Variants in SNX4 observed in about 807,000 individuals in gnomAD.
The protein encoded by SNX4 is sorting nexin 4.
A neutral mutation model predicts 70.8 loss-of-function variants in SNX4; 49 were observed. The observed-to-expected ratio is 0.69, with a 90% confidence interval of 0.55 to 0.88. SNX4 has a LOEUF of 0.88. SNX4 is among the 40% of genes least tolerant of loss of function. SNX4 has a pLI of 0.00. For missense variants in SNX4, 528 were observed against 544.8 expected (o/e 0.97, Z 0.31); for synonymous variants, 206 against 183.8 (o/e 1.12, Z -0.98).
At chr3:125,455,524 A>G (rs952685538) in intron 11 of SNX4, among the ~76,000 whole-genome samples, 4 of 152,178 alleles carry the variant, frequency 2.6e-5, no homozygotes, top group African/African-American at 9.7e-5. Flanking sequence ...TACTGAAGAA[A>G]ACACTTTTCC....
chr3:125,506,819 A>G (rs1355875050), intron 1 of SNX4, among the ~76,000 whole-genome samples: 1 of 35,026 alleles, frequency 2.9e-5, no homozygotes, highest in African/African-American at 2.1e-4. Context: ...GGAGAAAGTA[A>G]AAAAAAAAAA....
intron 1 of SNX4, 54 bp downstream of exon 1, chr3:125,519,978 G>T: frequency 6.0e-6 from 3 of 502,906 alleles, no homozygotes; most frequent in Non-Finnish European, 9.8e-6. Flanking sequence ...AGCCCAGCCC[G>T]GCCCGCTAGG....
chr3:125,469,740 A>C (rs1934120032), intron 8 of SNX4, among the ~76,000 whole-genome samples: 1 of 150,962 alleles, frequency 6.6e-6, no homozygotes, highest in Non-Finnish European at 1.5e-5. Context: ...GCTAAGCGGA[A>C]GGTAAGTATC....
In SNX4 at chr3:125,497,329, A is replaced by G. The variant is rs1934818000; in HGVS notation, c.597+12T>C. 2 of 1,588,624 alleles carry G rather than the reference A, an allele frequency of 1.3e-6. No individual in the cohort carries two copies. Among genetic ancestry groups the G allele is most frequent in the Non-Finnish European group, 1.7e-6 (2 of 1,158,828 alleles). ...TAAAGGAACATGGCAAATTTCATAT[A>G]AATATTCTTACCTTCAGCTGAAACC... On this transcript the variant is annotated intron_variant, in intron 5 of 13. Coordinates refer to ENST00000251775, the MANE Select transcript of SNX4 (RefSeq NM_003794.4).
intron 9 of SNX4, among the ~76,000 whole-genome samples, chr3:125,465,231 A>G (rs1933981843): frequency 6.6e-6 from 1 of 151,198 alleles, no homozygotes; most frequent in Non-Finnish European, 1.5e-5. Flanking sequence ...ACTTAGCTTT[A>G]TAGTAAATCT....
At chr3:125,474,675 AC>A (rs1007275599) in intron 8 of SNX4, among the ~76,000 whole-genome samples, 10 of 152,216 alleles carry the variant, frequency 6.6e-5, no homozygotes, top group Non-Finnish European at 1.3e-4. Flanking sequence ...GGCAAAAAAA[AC>A]AAACCTGTAC....
At chr3:125,449,843 A>C (rs1476671339) in intron 13 of SNX4, among the ~76,000 whole-genome samples, 1 of 152,254 alleles carries the variant, frequency 6.6e-6, no homozygotes, top group African/African-American at 2.4e-5. Context: ...AGTGAATGAG[A>C]GATCACAAGG....
chr3:125,509,347 A>AAG (rs1935118007), intron 1 of SNX4, among the ~76,000 whole-genome samples: 1 of 151,612 alleles, frequency 6.6e-6, no homozygotes, highest in African/African-American at 2.4e-5. Context: ...AAAAAAAAAA[A>AAG]AGAGAGAAAG....
At chr3:125,502,257 A>T (rs1448021999) in intron 2 of SNX4, among the ~76,000 whole-genome samples, 1 of 152,172 alleles carries the variant, frequency 6.6e-6, no homozygotes, top group African/African-American at 2.4e-5. Context: ...GGGATACATA[A>T]ACATACATAT....
intron 5 of SNX4, among the ~76,000 whole-genome samples, chr3:125,496,318 T>G (rs774158590): frequency 6.6e-6 from 1 of 152,020 alleles, no homozygotes; most frequent in African/African-American, 2.4e-5. Context: ...TCCAAAATAT[T>G]TATAAATTAG....
At chr3:125,464,943 C>T (rs1933972234) in intron 9 of SNX4, among the ~76,000 whole-genome samples, 1 of 152,032 alleles carries the variant, frequency 6.6e-6, no homozygotes, top group Admixed American at 6.6e-5. Flanking sequence ...CAGGGATTCA[C>T]CATGTTGACC....
At chr3:125,513,070 C>T (rs958384086) in intron 1 of SNX4, among the ~76,000 whole-genome samples, 2 of 152,152 alleles carry the variant, frequency 1.3e-5, no homozygotes, top group African/African-American at 2.4e-5. Context: ...ATGTTTGTGT[C>T]CTCCTAAAAT....
intron 5 of SNX4, among the ~76,000 whole-genome samples, chr3:125,494,520 T>C (rs1390133159): frequency 1.3e-5 from 2 of 152,236 alleles, no homozygotes; most frequent in South Asian, 2.1e-4. Context: ...ATTATGGTAA[T>C]ACTCAGATAA....
chr3:125,461,094 C>T lies in SNX4; in HGVS notation c.855-234G>A, dbSNP rs185248317. Reference sequence around the variant, plus strand: ...TACAAAAATTAGCCGGAAGTGGGGGCGGGTGCCTGTAATCCCAGCTACTTG... The same window carrying T: ...TACAAAAATTAGCCGGAAGTGGGGGTGGGTGCCTGTAATCCCAGCTACTTG... On this transcript the variant is annotated intron_variant, in intron 9 of 13. Coordinates refer to ENST00000251775, the MANE Select transcript of SNX4 (RefSeq NM_003794.4). Among the ~76,000 whole-genome samples the T allele has an allele frequency of 3.1e-4, 47 of 152,154 alleles. No homozygotes were observed. The East Asian group carries it at 8.3e-3, about 27-fold the overall frequency.
At chr3:125,473,923 T>C (rs960325916) in intron 8 of SNX4, among the ~76,000 whole-genome samples, 4 of 152,210 alleles carry the variant, frequency 2.6e-5, no homozygotes. Context: ...GGACACACTT[T>C]ATATATACAA....
intron 1 of SNX4, 54 bp from the exon 2 acceptor site, chr3:125,504,798 TG>T (rs1935012153): frequency 1.3e-6 from 2 of 1,571,180 alleles, no homozygotes; most frequent in East Asian, 4.5e-5. Context: ...AAGATGGTAC[TG>T]AAAAAAGCCT....
Position 125,447,390 on chromosome 3 carries a change from G to T in SNX4, c.*389C>A, listed in dbSNP as rs948830731. 6.2e-6 allele frequency: 1 copy of T among 161,694 alleles called. No homozygotes were observed. Among genetic ancestry groups the T allele is most frequent in the African/African-American group, 2.4e-5 (1 of 41,594 alleles). 10.0% of individuals were successfully genotyped at this position (161,694 alleles called of 1,614,324 possible). On this transcript the variant is annotated 3_prime_UTR_variant, in exon 14 of 14. Transcript: ENST00000251775. ...ATAACAGATTAGTGGATCTTACCAA[G>T]TAAATATAGGAATTCAATCTTAGGG...
Position 125,509,327 on chromosome 3 carries a change from T to C in SNX4, c.142-4583A>G, listed in dbSNP as rs1398774662. Reference sequence around the variant, plus strand: ...CCTGGGCAACAAGAGCGAAACTCCGTCTCAAAAAAAAAAAAAAAAAAGAGA... The same window carrying C: ...CCTGGGCAACAAGAGCGAAACTCCGCCTCAAAAAAAAAAAAAAAAAAGAGA... On this transcript the variant is annotated intron_variant, in intron 1 of 13. Transcript: ENST00000251775. Among the ~76,000 whole-genome samples the C allele has an allele frequency of 1.2e-3, 139 of 120,590 alleles. 1 individual carries two copies. The highest frequency in any genetic ancestry group is 4.5e-3 in the African/African-American group (133 of 29,350). 79.1% of individuals were successfully genotyped at this position (120,590 alleles called of 152,430 possible). A position where few individuals can be genotyped will look rare whatever the true frequency, so the allele number is the denominator to read the frequency against.
At chr3:125,503,943 T>A (rs1934985023) in intron 2 of SNX4, among the ~76,000 whole-genome samples, 1 of 152,080 alleles carries the variant, frequency 6.6e-6, no homozygotes, top group Non-Finnish European at 1.5e-5. Context: ...ACACGAGTAA[T>A]CCCAGCATTT....
Sources: allele counts gnomAD v4.1 joint callset (sites outside exome capture counted in the v4.1 genomes callset), GRCh38; gene constraint gnomAD v4.1.1; transcripts MANE v1.5; gene names NCBI Gene and HGNC (gene_info 2026-07-23, HGNC 2026-07-21).